Variants in DYSF observed in about 807,000 individuals in gnomAD.
DYSF encodes the protein dystrophy-associated fer-1-like 1.
Under a neutral mutation model 274.9 loss-of-function variants are expected in DYSF, and 212 were observed. That is an observed-to-expected ratio of 0.77 (90% CI 0.69 to 0.86). The LOEUF (loss-of-function observed/expected upper bound fraction) is 0.86, where lower values mean the gene tolerates loss of function less well. Among genes scored for constraint, DYSF ranks in the 40% least tolerant of loss-of-function variants. DYSF has a pLI of 0.00. For missense variants in DYSF, 2,666 were observed against 2,783.2 expected (o/e 0.96, Z 0.95); for synonymous variants, 1,091 against 1,078.7 (o/e 1.01, Z -0.22).
chr2:71,667,151 A>G lies in DYSF; in HGVS notation c.5318-225A>G, dbSNP rs57544779. 0.037 allele frequency among the ~76,000 whole-genome samples: 5,695 copies of G among 152,284 alleles called. 384 individuals carry two copies. The highest frequency in any genetic ancestry group is 0.13 in the African/African-American group (5,403 of 41,524). On this transcript the variant is annotated intron_variant, in intron 47 of 55. Coordinates refer to ENST00000410020, the MANE Select transcript of DYSF (RefSeq NM_001130987.2). ...AACAGGCTTGGTAGAAATGATGGCA[A>G]TGGGGAATCTGGATTTTAAGCCTGG...
At chr2:71,589,855 G>A (rs909774501) in intron 31 of DYSF, among the ~76,000 whole-genome samples, 169 bp downstream of exon 31, 18 of 152,090 alleles carry the variant, frequency 1.2e-4, no homozygotes, top group Admixed American at 1.0e-3. Context: ...GCGCGCGTGC[G>A]TGCACGTGTC....
intron 1 of DYSF, among the ~76,000 whole-genome samples, chr2:71,479,289 CT>C (rs1293386374): frequency 6.6e-6 from 1 of 151,036 alleles, no homozygotes; most frequent in African/African-American, 2.4e-5. Flanking sequence ...CATTAAATGC[CT>C]TCTCTTCTTC....
At chr2:71,485,132 C>T (rs2083263678) in intron 3 of DYSF, among the ~76,000 whole-genome samples, 1 of 152,228 alleles carries the variant, frequency 6.6e-6, no homozygotes. Context: ...ACATTTATCT[C>T]AGTTTCAGAT....
In DYSF at chr2:71,503,254, G is replaced by A. The variant is rs759171890; in HGVS notation, c.280G>A (p.Ala94Thr). The change falls in exon 4 of 56, where the codon GCC becomes ACC. Residue 94 changes from alanine (A) to threonine (T), a missense_variant. Around this residue, in one of 3 missense-constraint regions of DYSF, gnomAD observed 794 missense variants for 777.1 expected, o/e 1.02. Transcript: ENST00000410020. ...CAAGGTCCCACTCCGAGAGGTCCTC[G>A]CCACCCCTAGTCTGTCCGCCAGCTT... ...EAKVPLREVL[A>T]TPSLSASFNA... is the part of the protein sequence containing the mutation. 5 of 1,614,032 alleles carry A rather than the reference G, an allele frequency of 3.1e-6. No individual in the cohort carries two copies. The highest frequency in any genetic ancestry group is 2.2e-5 in the East Asian group (1 of 44,866).
intron 30 of DYSF, among the ~76,000 whole-genome samples, chr2:71,587,003 C>G (rs1194027066): frequency 6.6e-6 from 1 of 152,214 alleles, no homozygotes; most frequent in Admixed American, 6.5e-5. Context: ...TGCTGAGATG[C>G]AGGCATCACG....
At chr2:71,507,405 T>C (rs72827518) in intron 4 of DYSF, among the ~76,000 whole-genome samples, 4,929 of 152,354 alleles carry the variant, frequency 0.032, 117 homozygotes, top group Non-Finnish European at 0.05. Context: ...ATTCCCCTGA[T>C]CCTTCTTGCT....
At chr2:71,524,755 G>C (rs774306635) in intron 12 of DYSF, among the ~76,000 whole-genome samples, 2 of 152,226 alleles carry the variant, frequency 1.3e-5, no homozygotes, top group Non-Finnish European at 2.9e-5. Flanking sequence ...TTGCCTCCTC[G>C]TCTGGATGCC....
chr2:71,496,182 T>C (rs1191473045), intron 3 of DYSF, among the ~76,000 whole-genome samples: 1 of 152,104 alleles, frequency 6.6e-6, no homozygotes, highest in East Asian at 2.0e-4. Context: ...TTAATTAGCT[T>C]TTAAAAGCTT....
chr2:71,548,635 CT>C (rs1336351556), intron 17 of DYSF, among the ~76,000 whole-genome samples: 1 of 152,194 alleles, frequency 6.6e-6, no homozygotes, highest in Non-Finnish European at 1.5e-5. Context: ...TCCTTCCGTG[CT>C]TTTCTTATTT....
At chr2:71,478,325 C>A (rs746682461) in intron 1 of DYSF, among the ~76,000 whole-genome samples, 55 of 151,768 alleles carry the variant, frequency 3.6e-4, no homozygotes, top group Admixed American at 9.8e-4. Flanking sequence ...CATTCTCCTG[C>A]CTCAGCCTCC....
At chr2:71,471,315 C>G (rs1009121196) in intron 1 of DYSF, among the ~76,000 whole-genome samples, 1 of 152,048 alleles carries the variant, frequency 6.6e-6, no homozygotes, top group East Asian at 1.9e-4. Flanking sequence ...TGATTTAATA[C>G]AGTAGTTCTC....
chr2:71,483,851 G>A (rs773390161), intron 3 of DYSF, among the ~76,000 whole-genome samples: 1 of 151,888 alleles, frequency 6.6e-6, no homozygotes, highest in Admixed American at 6.6e-5. Flanking sequence ...TGTGCCTCTC[G>A]GAGGCTCCTG....
At chr2:71,476,512 G>A (rs1340005672) in intron 1 of DYSF, among the ~76,000 whole-genome samples, 2 of 150,302 alleles carry the variant, frequency 1.3e-5, no homozygotes, top group Non-Finnish European at 2.9e-5. Context: ...TCACACTCCA[G>A]CCTGAATGAC....
intron 32 of DYSF, among the ~76,000 whole-genome samples, chr2:71,598,263 C>G (rs2093454265): frequency 6.6e-6 from 1 of 152,214 alleles, no homozygotes; most frequent in South Asian, 2.1e-4. Flanking sequence ...ACTCACTTCC[C>G]CCAGCTGGAC....
At chr2:71,623,309 A>T (rs1318474323) in intron 41 of DYSF, among the ~76,000 whole-genome samples, 1 of 144,750 alleles carries the variant, frequency 6.9e-6, no homozygotes, top group Admixed American at 6.9e-5. Flanking sequence ...ATATCTCCCA[A>T]TGCTGTCCCT....
intron 3 of DYSF, among the ~76,000 whole-genome samples, chr2:71,486,193 C>A (rs185703392): frequency 6.6e-6 from 1 of 152,124 alleles, no homozygotes. Flanking sequence ...TGTGAGCTCC[C>A]CCGCTGTCCA....
At chr2:71,492,346 C>T (rs1416187410) in intron 3 of DYSF, among the ~76,000 whole-genome samples, 1 of 152,174 alleles carries the variant, frequency 6.6e-6, no homozygotes, top group Non-Finnish European at 1.5e-5. Flanking sequence ...GCTCAGAGGA[C>T]AGGTGTTTCC....
intron 41 of DYSF, among the ~76,000 whole-genome samples, chr2:71,627,136 C>A (rs1002208000): frequency 4.2e-4 from 64 of 151,198 alleles, no homozygotes; most frequent in African/African-American, 1.5e-3. Context: ...TTATTAACTT[C>A]TTTTCTTCTA....
intron 41 of DYSF, among the ~76,000 whole-genome samples, chr2:71,620,899 G>C (rs1295960634): frequency 6.6e-6 from 1 of 152,072 alleles, no homozygotes; most frequent in African/African-American, 2.4e-5. Flanking sequence ...TGGAAGCGGG[G>C]AAATCTCTCA....
Sources: allele counts gnomAD v4.1 joint callset (sites outside exome capture counted in the v4.1 genomes callset), GRCh38; gene constraint gnomAD v4.1.1; regional missense constraint gnomAD v4.1.1; transcripts MANE v1.5; gene names NCBI Gene and HGNC (gene_info 2026-07-23, HGNC 2026-07-21).